The following BAZ1A variants were observed in gnomAD, a reference collection of about 807,000 sequenced individuals.
The protein encoded by BAZ1A is bromodomain adjacent to zinc finger domain 1A.
A neutral mutation model predicts 185.2 loss-of-function variants in BAZ1A; 50 were observed. The ratio of observed to expected loss-of-function variants is 0.27; its 90% confidence interval spans 0.22 to 0.34. The LOEUF is 0.34. Among genes scored for constraint, BAZ1A ranks in the 10% least tolerant of loss-of-function variants. BAZ1A has a pLI of 1.00. For synonymous variants in BAZ1A, 571 were observed against 615.6 expected, an observed-to-expected ratio of 0.93 and a Z score of 1.07; for missense variants, 1,356 against 1,839.9, an observed-to-expected ratio of 0.74 and a Z score of 4.81.
Position 34,775,884 on chromosome 14 carries a change from A to G in BAZ1A, c.2833+35T>C, listed in dbSNP as rs145038613. 558 of 1,517,418 alleles carry G rather than the reference A, an allele frequency of 3.7e-4. 13 individuals are homozygous for G. The East Asian group carries it at 0.012, about 34-fold the overall frequency. 94.0% of individuals were successfully genotyped at this position (1,517,418 alleles called of 1,614,324 possible). ...GAATGACCAGAGATTAGGGGGAGGG[A>G]AAAAAAGTAAAAACAATTTTCATTG... On this transcript the variant is annotated intron_variant, in intron 18 of 26. Coordinates refer to ENST00000360310, the MANE Select transcript of BAZ1A (RefSeq NM_013448.3).
At chr14:34,864,297 C>T (rs2042819179) in intron 2 of BAZ1A, among the ~76,000 whole-genome samples, 1 of 152,008 alleles carries the variant, frequency 6.6e-6, no homozygotes, top group South Asian at 2.1e-4. Context: ...GTACATACCA[C>T]TATACCTGGC....
intron 4 of BAZ1A, among the ~76,000 whole-genome samples, chr14:34,817,609 C>T (rs61988012): frequency 0.2 from 30,022 of 152,030 alleles, 3,512 homozygotes; most frequent in Non-Finnish European, 0.26. Context: ...CAAAACAAAA[C>T]AACAACAAAA....
At chr14:34,817,596 AAACAAAACAAAACAAC>A (rs1299612092) in intron 4 of BAZ1A, among the ~76,000 whole-genome samples, 13 of 152,256 alleles carry the variant, frequency 8.5e-5, no homozygotes, top group Admixed American at 8.5e-4. Flanking sequence ...AAACAAAACA[AAACAAAACAAAACAAC>A]AACAAAAAAA....
chr14:34,770,852 G>A (rs1879167594), intron 21 of BAZ1A, among the ~76,000 whole-genome samples: 1 of 152,034 alleles, frequency 6.6e-6, no homozygotes, highest in Non-Finnish European at 1.5e-5. Flanking sequence ...TTCTGATATA[G>A]CATGTGGGTG....
At chr14:34,775,840 T>G (rs1243334720) in intron 18 of BAZ1A, 79 bp downstream of exon 18, 7 of 1,157,142 alleles carry the variant, frequency 6.0e-6, no homozygotes, top group Admixed American at 4.6e-5. Context: ...TCTAATAGGT[T>G]GCAAAAACGC....
chr14:34,804,299 C>A (rs1271188508), intron 6 of BAZ1A, among the ~76,000 whole-genome samples: 1 of 152,244 alleles, frequency 6.6e-6, no homozygotes, highest in East Asian at 1.9e-4. Context: ...TAAGCCACTG[C>A]GCCCAGTCTT....
At chr14:34,846,210 T>C (rs1290324389) in intron 3 of BAZ1A, among the ~76,000 whole-genome samples, 1 of 152,214 alleles carries the variant, frequency 6.6e-6, no homozygotes, top group African/African-American at 2.4e-5. Flanking sequence ...CCTTTCACAT[T>C]AGAAAGGAGG....
At chr14:34,802,813 A>T in intron 7 of BAZ1A, 41 bp downstream of exon 7, 2 of 1,572,582 alleles carry the variant, frequency 1.3e-6, no homozygotes. Flanking sequence ...ATACTGTTTT[A>T]CTAACAGTGA....
At chr14:34,754,426 A>G (rs201114831) in intron 26 of BAZ1A, among the ~76,000 whole-genome samples, 7 of 122,838 alleles carry the variant, frequency 5.7e-5, no homozygotes, top group Admixed American at 1.1e-4. Flanking sequence ...TCAAAAAAAA[A>G]AAAAAAGAAA....
intron 2 of BAZ1A, among the ~76,000 whole-genome samples, chr14:34,873,035 G>A (rs551564872): frequency 7.9e-5 from 12 of 151,684 alleles, no homozygotes; most frequent in East Asian, 7.8e-4. Flanking sequence ...AGCGAGATGT[G>A]CACTCCTACT....
intron 6 of BAZ1A, among the ~76,000 whole-genome samples, chr14:34,804,775 C>A (rs771054446): frequency 6.6e-6 from 1 of 152,182 alleles, no homozygotes; most frequent in Admixed American, 6.6e-5. Flanking sequence ...GGCCAAAATA[C>A]GTTTTAGTAC....
intron 7 of BAZ1A, among the ~76,000 whole-genome samples, chr14:34,801,679 C>A (rs985175324): frequency 1.2e-4 from 19 of 152,034 alleles, no homozygotes; most frequent in Admixed American, 1.2e-3. Flanking sequence ...GAAGCCACGG[C>A]GGGTAGAATA....
intron 4 of BAZ1A, among the ~76,000 whole-genome samples, chr14:34,819,205 A>G (rs1343999824): frequency 6.6e-6 from 1 of 151,594 alleles, no homozygotes; most frequent in Non-Finnish European, 1.5e-5. Flanking sequence ...AAGGAGGAAA[A>G]TGAAATTCGT....
intron 25 of BAZ1A, 157 bp downstream of exon 25, chr14:34,758,547 T>A (rs544722432): frequency 2.4e-5 from 17 of 713,958 alleles, no homozygotes; most frequent in African/African-American, 2.0e-4. Flanking sequence ...GCCACTGCAC[T>A]CCAGCCTGGG....
rs755536347 is a variant in BAZ1A, at chr14:34,754,919, A to G, written c.4387-5T>C. ...GATGTCATAGTAGTCTGGGACCTGTAAAATAATTCAAATATCTCTGTCCAC... is the reference window on the plus strand; with the variant it reads ...GATGTCATAGTAGTCTGGGACCTGTGAAATAATTCAAATATCTCTGTCCAC... On this transcript the variant is annotated splice_region_variant and splice_polypyrimidine_tract_variant and intron_variant, in intron 25 of 26. Coordinates refer to ENST00000360310, the MANE Select transcript of BAZ1A (RefSeq NM_013448.3). 8 of 1,568,692 alleles carry G rather than the reference A, an allele frequency of 5.1e-6. No individual in the cohort carries two copies. The highest frequency in any genetic ancestry group is 6.9e-6 in the Non-Finnish European group (8 of 1,158,350).
intron 3 of BAZ1A, among the ~76,000 whole-genome samples, chr14:34,832,191 T>C (rs201836790): frequency 0.02 from 1,886 of 96,054 alleles, 47 homozygotes; most frequent in African/African-American, 0.026. Context: ...TATATACATA[T>C]ACACACACAC....
intron 3 of BAZ1A, among the ~76,000 whole-genome samples, chr14:34,854,279 G>C (rs7140651): frequency 1.3e-5 from 2 of 151,656 alleles, no homozygotes; most frequent in Non-Finnish European, 2.9e-5. Flanking sequence ...AAAATTAGCC[G>C]GTCATGGTGG....
chr14:34,838,093 C>A (rs900546474), intron 3 of BAZ1A, among the ~76,000 whole-genome samples: 1 of 152,144 alleles, frequency 6.6e-6, no homozygotes, highest in Non-Finnish European at 1.5e-5. Flanking sequence ...GAGTTCCTGA[C>A]AACTTTGTGG....
chr14:34,851,776 T>TTA (rs533070093), intron 3 of BAZ1A, among the ~76,000 whole-genome samples: 1 of 147,854 alleles, frequency 6.8e-6, no homozygotes, highest in Non-Finnish European at 1.5e-5. Context: ...CATAGTGAAG[T>TTA]AAAAAAAAAA....
Sources: gnomAD v4.1 joint callset for allele counts (sites outside exome capture counted in the v4.1 genomes callset) on GRCh38, gnomAD v4.1.1 for gene constraint, MANE v1.5 for transcripts, NCBI Gene and HGNC (gene_info 2026-07-23, HGNC 2026-07-21) for gene names.